SHKBP1: variants seen among roughly 807,000 people sequenced by gnomAD.
SHKBP1 encodes SH3KBP1-binding protein 1.
A neutral mutation model predicts 83.9 loss-of-function variants in SHKBP1; 71 were observed. The observed-to-expected ratio is 0.85, with a 90% CI of 0.70 to 1.03. The LOEUF (loss-of-function observed/expected upper bound fraction) is 1.03. Among genes scored for constraint, SHKBP1 ranks in the 50% least tolerant of loss-of-function variants. The pLI is 0.00. For missense variants in SHKBP1, 824 were observed against 982.4 expected, an observed-to-expected ratio of 0.84 and a Z score of 2.16; for synonymous variants, 371 against 398.0, an observed-to-expected ratio of 0.93 and a Z score of 0.81.
At position 40,577,416 on chromosome 19, in the gene SHKBP1, C is replaced by T; in HGVS notation, c.161C>T (p.Ser54Leu). Reference protein sequence around the residue: ...FFSSLLSGRISTLKDETGAIF... With the variant: ...FFSSLLSGRILTLKDETGAIF... ...TGCAGTCTTCTGAGCGGACGCATCTCGACGCTGAAAGATGAGACCGGAGCA... is the reference window on the plus strand; with the variant it reads ...TGCAGTCTTCTGAGCGGACGCATCTTGACGCTGAAAGATGAGACCGGAGCA... The change falls in exon 3 of 18, where the codon TCG (serine) becomes TTG (leucine). Residue 54 changes from serine (S) to leucine (L), a missense_variant. Ser to Leu is a moderately radical substitution (Grantham distance 145). Transcript: ENST00000291842. 6.2e-7 allele frequency: 1 copy of T among 1,613,714 alleles called. No homozygotes were observed. The highest frequency in any genetic ancestry group is 8.5e-7 in the Non-Finnish European group (1 of 1,179,966).
Position 40,582,396 on chromosome 19 carries a change from G to A in SHKBP1, c.890G>A (p.Gly297Glu), listed in dbSNP as rs1403677591. ...CCTGTGGAGGCCTTGTTCTTCGTCG[G>A]GAACCAGCTCATTGCTACAAGCCAC... is the stretch of plus-strand genomic sequence containing the variant. ...GVPVEALFFV[G>E]NQLIATSHTG... Residue 297 changes from glycine (G) to glutamate (E), a missense_variant, in exon 10 of 18, where the codon GGG becomes GAG. Physicochemically the swap from Gly to Glu is moderately conservative, Grantham distance 98 (BLOSUM62 -2). Coordinates refer to ENST00000291842, the MANE Select transcript of SHKBP1 (RefSeq NM_138392.4). The A allele has an allele frequency of 1.2e-6, 2 of 1,614,008 alleles. No individual in the cohort carries two copies. The highest frequency in any genetic ancestry group is 2.7e-5 in the African/African-American group (2 of 74,886).
chr19:40,577,662 A>G lies in SHKBP1; in HGVS notation c.260+32A>G, dbSNP rs764616785. The G allele has an allele frequency of 2.5e-6, 4 of 1,610,032 alleles. No individual in the cohort carries two copies. The South Asian group carries it at 3.3e-5, about 13-fold the overall frequency. ...ATGGAAAAAGGGGAGGGAGTCCCTC[A>G]CTGTCTTCAGTCCCTGAGGAGTTCT... is the stretch of plus-strand genomic sequence containing the variant. On this transcript the variant is annotated intron_variant, in intron 4 of 17. Coordinates refer to ENST00000291842, the MANE Select transcript of SHKBP1 (RefSeq NM_138392.4).
In SHKBP1 at chr19:40,580,948, A is replaced by G. The variant is rs763931851; in HGVS notation, c.844+12A>G. 1 of 1,522,270 alleles carries G rather than the reference A, an allele frequency of 6.6e-7. No homozygotes were observed. The highest frequency in any genetic ancestry group is 8.8e-7 in the Non-Finnish European group (1 of 1,135,882). 94.3% of individuals were successfully genotyped at this position (1,522,270 alleles called of 1,614,324 possible). A position where few individuals can be genotyped will look rare whatever the true frequency, so the allele number is the denominator to read the frequency against. ...TGGCTCCGAGATAGGTATGACCCCA[A>G]GCCTTTTCCAGAACCCTCTGTCCTT... On this transcript the variant is annotated intron_variant, in intron 9 of 17. Coordinates refer to ENST00000291842, the MANE Select transcript of SHKBP1 (RefSeq NM_138392.4).
Position 40,577,290 on chromosome 19 carries a change from C to G in SHKBP1, c.140+6C>G, listed in dbSNP as rs1475134800. ...CCAGACTCCTTCTTCTCCAGGTGAT[C>G]GGGAGAGCGAGTTTGGGGCGAGGGT... On this transcript the variant is annotated splice_donor_region_variant and intron_variant, in intron 2 of 17. Coordinates refer to ENST00000291842, the MANE Select transcript of SHKBP1 (RefSeq NM_138392.4). 1.2e-6 allele frequency: 2 copies of G among 1,614,016 alleles called. No individual in the cohort carries two copies. The highest frequency in any genetic ancestry group is 1.7e-6 in the Non-Finnish European group (2 of 1,179,974).
Position 40,590,877 on chromosome 19 carries a change from T to A in SHKBP1, c.1892+24T>A. The A allele has an allele frequency of 3.2e-6, 5 of 1,572,224 alleles. No homozygotes were observed. Among genetic ancestry groups the A allele is most frequent in the Non-Finnish European group, 4.3e-6 (5 of 1,150,708 alleles). The stretch of plus-strand genomic sequence containing the variant: ...AGGTAGCCACAACTCCACTGCCCCT[T>A]CTGTGCAATGAGGGGAGAGGGGACA... On this transcript the variant is annotated intron_variant, in intron 17 of 17. Coordinates refer to ENST00000291842, the MANE Select transcript of SHKBP1 (RefSeq NM_138392.4). The surrounding 1 kb of genome is among the most constrained non-coding windows in gnomAD (Gnocchi z 4.6).
At position 40,579,087 on chromosome 19, in the gene SHKBP1, C is replaced by T. The variant is rs566210873; in HGVS notation, c.400+545C>T. Among the ~76,000 whole-genome samples the T allele has an allele frequency of 5.9e-5, 9 of 151,368 alleles. 1 individual carries two copies. In the South Asian group the frequency reaches 6.2e-4, roughly 10 times the overall value. ...TCCAACTTAGTTTTATCCTGTTTTC[C>T]GAAAAACAATCATTTATTTATTTAT... On this transcript the variant is annotated intron_variant, in intron 6 of 17. Transcript: ENST00000291842.
At position 40,590,780 on chromosome 19, in the gene SHKBP1, C is replaced by T; in HGVS notation, c.1819C>T (p.Leu607=). The change falls in exon 17 of 18, where the codon CTG becomes TTG. Residue 607 remains leucine (L), a synonymous_variant. Coordinates refer to ENST00000291842, the MANE Select transcript of SHKBP1 (RefSeq NM_138392.4). This position sits in a 1 kb window ranked among gnomAD's most constrained non-coding sequence, Gnocchi z 4.6. The part of the protein sequence containing the change: ...ELMEQLEHCE[L]APPAPSAPSW... ...GATGGAACAGCTGGAACACTGTGAG[C>T]TGGCCCCGCCGGCTCCTTCAGCTCC... The T allele has an allele frequency of 1.2e-6, 2 of 1,602,248 alleles. No homozygotes were observed. The highest frequency in any genetic ancestry group is 2.3e-5 in the East Asian group (1 of 44,412).
chr19:40,590,635 C>T lies in SHKBP1; in HGVS notation c.1769-95C>T. 6.9e-7 allele frequency: 1 copy of T among 1,459,730 alleles called. No individual in the cohort carries two copies. The highest frequency in any genetic ancestry group is 1.3e-5 in the South Asian group (1 of 75,638). 90.4% of individuals were successfully genotyped at this position (1,459,730 alleles called of 1,614,324 possible). The stretch of plus-strand genomic sequence containing the variant: ...TGCATTGATCTCTGCTTCCTCTCTC[C>T]TGTCCTGACCCTCGGTGCTTGCACT... On this transcript the variant is annotated intron_variant, in intron 16 of 17. Transcript: ENST00000291842. The surrounding 1 kb of genome is among the most constrained non-coding windows in gnomAD (Gnocchi z 4.6).
chr19:40,580,585 G>A lies in SHKBP1; in HGVS notation c.582G>A (p.Gly194=), dbSNP rs1382059776. ...PSPSGQPEEP[G]MVRLVCGHHN... ...CTCAAGGACAACCTGAGGAGCCGGGGATGGTGCGCCTGGTGTGTGGACACC... is the reference window on the plus strand; with the variant it reads ...CTCAAGGACAACCTGAGGAGCCGGGAATGGTGCGCCTGGTGTGTGGACACC... The change falls in exon 8 of 18, where the codon GGG becomes GGA. Residue 194 remains glycine, a synonymous_variant. Coordinates refer to ENST00000291842, the MANE Select transcript of SHKBP1 (RefSeq NM_138392.4). 2 of 1,614,202 alleles carry A rather than the reference G, an allele frequency of 1.2e-6. No individual in the cohort carries two copies. The highest frequency in any genetic ancestry group is 3.3e-5 in the Admixed American group (2 of 60,024).
Position 40,589,246 on chromosome 19 carries a change from A to G in SHKBP1, c.1589+68A>G, listed in dbSNP as rs2081337277. 2.8e-6 allele frequency: 4 copies of G among 1,427,288 alleles called. No homozygotes were observed. In the South Asian group the frequency reaches 4.8e-5, roughly 17 times the overall value. The allele number at this position is 1,427,288 out of a possible 1,614,324, so 88.4% of individuals were successfully genotyped here. On this transcript the variant is annotated intron_variant, in intron 15 of 17. Transcript: ENST00000291842. The stretch of plus-strand genomic sequence containing the variant: ...CCAACAGGGAGGGAGGTCAGGGGAG[A>G]AGGCAAGATGCTAGCCAGATCACTG...
In SHKBP1 at chr19:40,581,149, A is replaced by G. The variant is rs539392873; in HGVS notation, c.844+213A>G. Among the ~76,000 whole-genome samples, 14 of 152,178 alleles carry G rather than the reference A, an allele frequency of 9.2e-5. No individual in the cohort carries two copies. The East Asian group carries it at 2.3e-3, about 25-fold the overall frequency. On this transcript the variant is annotated intron_variant, in intron 9 of 17. Transcript: ENST00000291842. ...TCCACCCACATACAATTCTCCCTCC[A>G]TCAGAATTCCCTGCCCTGTTAGATC...
chr19:40,582,424 A>T lies in SHKBP1; in HGVS notation c.918A>T (p.Thr306=). 6.2e-7 allele frequency: 1 copy of T among 1,614,148 alleles called. No individual in the cohort carries two copies. Among genetic ancestry groups the T allele is most frequent in the Non-Finnish European group, 8.5e-7 (1 of 1,180,028 alleles). The change falls in exon 10 of 18, where the codon ACA becomes ACT. Residue 306 remains threonine (T), a synonymous_variant. Coordinates refer to ENST00000291842, the MANE Select transcript of SHKBP1 (RefSeq NM_138392.4). ...ACCAGCTCATTGCTACAAGCCACAC[A>T]GGGCGCATCGGGGTGTGGAATGCCG... ...VGNQLIATSH[T]GRIGVWNAVT...
Position 40,582,748 on chromosome 19 carries a change from A to T in SHKBP1, c.960+282A>T, listed in dbSNP as rs879390759. 2.7e-3 allele frequency among the ~76,000 whole-genome samples: 410 copies of T among 151,912 alleles called. 2 individuals carry two copies. The highest frequency in any genetic ancestry group is 4.1e-3 in the Admixed American group (62 of 15,242). ...TGGGTGAGAGAGCAGGTTAGGGGGG[A>T]TGCTGTAGAAGACAAGAACTGGCTT... On this transcript the variant is annotated intron_variant, in intron 10 of 17. Transcript: ENST00000291842.
chr19:40,577,183 T>C, intron 1 of SHKBP1, 48 bp from the exon 2 acceptor site: 1 of 1,605,874 alleles, frequency 6.2e-7, no homozygotes, highest in Non-Finnish European at 8.5e-7. Context: ...GACGCATTCC[T>C]CACCCGCTCC....
At chr19:40,577,687 T>G (rs754744340) in intron 4 of SHKBP1, 57 bp downstream of exon 4, 4 of 1,556,372 alleles carry the variant, frequency 2.6e-6, no homozygotes, top group South Asian at 1.1e-5. Flanking sequence ...TGAGGAGTTC[T>G]TTCACCTCCT....
Position 40,586,887 on chromosome 19 carries a change from A to G in SHKBP1, c.1279A>G (p.Thr427Ala). The G allele has an allele frequency of 6.2e-7, 1 of 1,612,416 alleles. No homozygotes were observed. ...GSGPQLFQTF[T>A]VHRSPVTKIM... ...GGGGCCTCAGCTCTTCCAGACCTTC[A>G]CTGTGCACCGCAGCCCTGTCACCAA... The change falls in exon 13 of 18, where the codon ACT becomes GCT. Residue 427 changes from threonine to alanine, a missense_variant. By Grantham distance (58) the Thr-to-Ala change is moderately conservative. Transcript: ENST00000291842.
chr19:40,580,216 G>A lies in SHKBP1; in HGVS notation c.401-108G>A, dbSNP rs1191528735. 3 of 1,313,918 alleles carry A rather than the reference G, an allele frequency of 2.3e-6. No homozygotes were observed. The Admixed American group carries it at 7.2e-5, about 32-fold the overall frequency. 81.4% of individuals were successfully genotyped at this position (1,313,918 alleles called of 1,614,324 possible). A position where few individuals can be genotyped will look rare whatever the true frequency, so the allele number is the denominator to read the frequency against. ...GCACCACTTAAAATCTTCACCCGGA[G>A]ACTATGTCCCACACATGGGGAAATC... On this transcript the variant is annotated intron_variant, in intron 6 of 17. Coordinates refer to ENST00000291842, the MANE Select transcript of SHKBP1 (RefSeq NM_138392.4).
Position 40,582,229 on chromosome 19 carries a change from G to T in SHKBP1, c.845-122G>T, listed in dbSNP as rs2081275707. ...GAGCCACTGTGCCCAGCCCCTGATG[G>T]AATCTTCTATCCTTCAAGGATTCTG... On this transcript the variant is annotated intron_variant, in intron 9 of 17. Coordinates refer to ENST00000291842, the MANE Select transcript of SHKBP1 (RefSeq NM_138392.4). 5 of 797,328 alleles carry T rather than the reference G, an allele frequency of 6.3e-6. No homozygotes were observed. In the East Asian group the frequency reaches 9.9e-5, roughly 16 times the overall value. 49.4% of individuals were successfully genotyped at this position (797,328 alleles called of 1,614,324 possible).
At position 40,580,894 on chromosome 19, in the gene SHKBP1, C is replaced by T; in HGVS notation, c.802C>T (p.Leu268=). 2 of 1,603,592 alleles carry T rather than the reference C, an allele frequency of 1.2e-6. No individual in the cohort carries two copies. The highest frequency in any genetic ancestry group is 1.7e-6 in the Non-Finnish European group (2 of 1,174,144). Residue 268 remains leucine, a synonymous_variant, in exon 9 of 18, where the codon CTG becomes TTG. Transcript: ENST00000291842. Reference sequence around the variant, plus strand: ...GGCAGCAGCCACCGGCAGCGAGATCCTGCTATGGGCTCTGCAGGCGGAAGG... The same window carrying T: ...GGCAGCAGCCACCGGCAGCGAGATCTTGCTATGGGCTCTGCAGGCGGAAGG... The part of the protein sequence containing the change: ...MVAAATGSEI[L]LWALQAEGGG...
Sources: allele counts gnomAD v4.1 joint callset (sites outside exome capture counted in the v4.1 genomes callset), GRCh38; gene constraint gnomAD v4.1.1; non-coding constraint Gnocchi (gnomAD v3.1); transcripts MANE v1.5; gene names NCBI Gene and HGNC (gene_info 2026-07-23, HGNC 2026-07-21).